Variants in SPRYD4 observed in about 807,000 individuals in gnomAD.
SPRYD4 encodes SPRY domain-containing protein 4.
Under a neutral mutation model 16.6 loss-of-function variants are expected in SPRYD4, and 12 were observed. The observed-to-expected ratio is 0.72, with a 90% CI of 0.46 to 1.17. The LOEUF (loss-of-function observed/expected upper bound fraction) is 1.17. Ranked by LOEUF, SPRYD4 falls within the 50% of genes most tolerant of loss-of-function variation. The pLI is 0.00. For missense variants in SPRYD4, 260 were observed against 260.2 expected (o/e 1.00, Z 0.00); for synonymous variants, 98 against 105.4 (o/e 0.93, Z 0.43).
Position 56,473,480 on chromosome 12 carries a change from C to T in SPRYD4, c.*3903C>T. ...CATCTCACCTGGCAGAAGCTGGTCC[C>T]CCTATGGCTGTTCCCCAGCTTGTCC... On this transcript the variant is annotated 3_prime_UTR_variant, in exon 2 of 2. Transcript: ENST00000338146. The T allele has an allele frequency of 6.2e-7, 1 of 1,613,846 alleles. No homozygotes were observed. Among genetic ancestry groups the T allele is most frequent in the Non-Finnish European group, 8.5e-7 (1 of 1,179,872 alleles).
chr12:56,477,883 AAGG>A lies in SPRYD4; in HGVS notation c.*8309_*8311del, dbSNP rs1405145077. On this transcript the variant is annotated 3_prime_UTR_variant, in exon 2 of 2. Transcript: ENST00000338146. ...AAAGGCTGGGAGATGGGGTGGGGAT[AAGG>A]AGAAGGGGACAGCTGTAAGTACGGT... 1 of 1,582,666 alleles carries A rather than the reference AAGG, an allele frequency of 6.3e-7. No individual in the cohort carries two copies. Among genetic ancestry groups the A allele is most frequent in the Non-Finnish European group, 8.6e-7 (1 of 1,161,950 alleles).
At position 56,472,522 on chromosome 12, in the gene SPRYD4, T is replaced by C. The variant is rs970953563; in HGVS notation, c.*2945T>C. 1.3e-5 allele frequency: 8 copies of C among 639,330 alleles called. No homozygotes were observed. The highest frequency in any genetic ancestry group is 3.7e-5 in the African/African-American group (2 of 54,382). 39.6% of individuals were successfully genotyped at this position (639,330 alleles called of 1,614,324 possible). On this transcript the variant is annotated 3_prime_UTR_variant, in exon 2 of 2. Coordinates refer to ENST00000338146, the MANE Select transcript of SPRYD4 (RefSeq NM_207344.4). ...ATTAATTATCATAGAGCAGACAGTT[T>C]ACTTTTTTTAAAAAAAATCTCCTTT...
In SPRYD4 at chr12:56,473,996, T is replaced by G; in HGVS notation, c.*4419T>G. 5.6e-6 allele frequency: 1 copy of G among 178,184 alleles called. No individual in the cohort carries two copies. The highest frequency in any genetic ancestry group is 1.7e-4 in the East Asian group (1 of 5,942). The allele number at this position is 178,184 out of a possible 1,614,324, so 11.0% of individuals were successfully genotyped here. On this transcript the variant is annotated 3_prime_UTR_variant, in exon 2 of 2. Transcript: ENST00000338146. ...GATAGGGTGGTCAGAAAAGTCTTTC[T>G]TTGGAAATGACATCTAAGCTGAGAC...
chr12:56,475,720 T>A lies in SPRYD4; in HGVS notation c.*6143T>A. 6.2e-7 allele frequency: 1 copy of A among 1,607,498 alleles called. No individual in the cohort carries two copies. The highest frequency in any genetic ancestry group is 8.5e-7 in the Non-Finnish European group (1 of 1,174,038). Reference sequence around the variant, plus strand: ...AAGGGACATTGAGGCTCCACTTGGTTAAGAAGCTCTATTAATACCTCACAG... The same window carrying A: ...AAGGGACATTGAGGCTCCACTTGGTAAAGAAGCTCTATTAATACCTCACAG... On this transcript the variant is annotated 3_prime_UTR_variant, in exon 2 of 2. Coordinates refer to ENST00000338146, the MANE Select transcript of SPRYD4 (RefSeq NM_207344.4).
chr12:56,479,252 A>G lies in SPRYD4; in HGVS notation c.*9675A>G. 1.3e-6 allele frequency: 2 copies of G among 1,571,756 alleles called. No individual in the cohort carries two copies. Among genetic ancestry groups the G allele is most frequent in the Non-Finnish European group, 1.7e-6 (2 of 1,162,132 alleles). On this transcript the variant is annotated 3_prime_UTR_variant, in exon 2 of 2. Transcript: ENST00000338146. ...TGGGACTCACTCTGGAGCCACGGAA[A>G]TTGGGAATAAAGAAGGTTGAGTGGT... is the stretch of plus-strand genomic sequence containing the variant.
In SPRYD4 at chr12:56,468,664, G is replaced by C. The variant is rs1869101029; in HGVS notation, c.73G>C (p.Glu25Gln). ...GAKRLGVASTEAQRGVSFKLE... is the reference protein window; with the variant it reads ...GAKRLGVASTQAQRGVSFKLE... ...CAAACGATTGGGAGTTGCCTCCACA[G>C]AGGCCCAGAGAGGTAGGATTATCTC... The change falls in exon 1 of 2, where the codon GAG becomes CAG. Residue 25 changes from glutamate (E) to glutamine (Q), a missense_variant. Physicochemically the swap from Glu to Gln is conservative, Grantham distance 29. Coordinates refer to ENST00000338146, the MANE Select transcript of SPRYD4 (RefSeq NM_207344.4). The C allele has an allele frequency of 4.3e-6, 7 of 1,613,844 alleles. No homozygotes were observed. Among genetic ancestry groups the C allele is most frequent in the Non-Finnish European group, 5.9e-6 (7 of 1,179,792 alleles).
Position 56,473,798 on chromosome 12 carries a change from G to T in SPRYD4, c.*4221G>T. On this transcript the variant is annotated 3_prime_UTR_variant, in exon 2 of 2. Coordinates refer to ENST00000338146, the MANE Select transcript of SPRYD4 (RefSeq NM_207344.4). The stretch of plus-strand genomic sequence containing the variant: ...TTGATTCAGCTAGAAAATATTTTTT[G>T]AAATACTTACAGCATTCTGTGCTAG... 1 of 612,320 alleles carries T rather than the reference G, an allele frequency of 1.6e-6. No individual in the cohort carries two copies. The highest frequency in any genetic ancestry group is 2.6e-6 in the Non-Finnish European group (1 of 379,490). 37.9% of individuals were successfully genotyped at this position (612,320 alleles called of 1,614,324 possible). A position where few individuals can be genotyped will look rare whatever the true frequency, so the allele number is the denominator to read the frequency against.
rs756801839 is a variant in SPRYD4 at position 56,472,762 on chromosome 12, A to G, written c.*3185A>G. ...GACCACAGTCTTGTTCTGGAACACA[A>G]ATCATACCCACATGACATTAATTGA... is the stretch of plus-strand genomic sequence containing the variant. On this transcript the variant is annotated 3_prime_UTR_variant, in exon 2 of 2. Coordinates refer to ENST00000338146, the MANE Select transcript of SPRYD4 (RefSeq NM_207344.4). 1.2e-6 allele frequency: 2 copies of G among 1,613,642 alleles called. No individual in the cohort carries two copies. The highest frequency in any genetic ancestry group is 4.5e-5 in the East Asian group (2 of 44,884).
In SPRYD4 at chr12:56,472,577, A is replaced by G. The variant is rs553584375; in HGVS notation, c.*3000A>G. On this transcript the variant is annotated 3_prime_UTR_variant, in exon 2 of 2. Transcript: ENST00000338146. ...AAAAAATTTCATTTAAATGCAATCT[A>G]TATCCATTCTAATTCCAAAGCTGAA... 22 of 930,898 alleles carry G rather than the reference A, an allele frequency of 2.4e-5. No homozygotes were observed. The highest frequency in any genetic ancestry group is 1.8e-4 in the African/African-American group (11 of 60,058). The allele number at this position is 930,898 out of a possible 1,614,324, so 57.7% of individuals were successfully genotyped here.
At position 56,476,153 on chromosome 12, in the gene SPRYD4, C is replaced by G; in HGVS notation, c.*6576C>G. The stretch of plus-strand genomic sequence containing the variant: ...AAACACCGCACTTCCATTGGCTCCT[C>G]TCTTTCTCTTTCTTTTTTTTGAGAC... On this transcript the variant is annotated 3_prime_UTR_variant, in exon 2 of 2. Transcript: ENST00000338146. 1.8e-6 allele frequency: 1 copy of G among 559,508 alleles called. No individual in the cohort carries two copies. The highest frequency in any genetic ancestry group is 2.1e-5 in the South Asian group (1 of 47,776). 34.7% of individuals were successfully genotyped at this position (559,508 alleles called of 1,614,324 possible).
Position 56,474,451 on chromosome 12 carries a change from G to A in SPRYD4, c.*4874G>A. On this transcript the variant is annotated 3_prime_UTR_variant, in exon 2 of 2. Transcript: ENST00000338146. ...CCTGGAAGTTAGTGAATGAGAGGCA[G>A]GAACAAGCTTCCACCTCTATCTTGA... The A allele has an allele frequency of 3.3e-6, 5 of 1,502,764 alleles. No homozygotes were observed. Among genetic ancestry groups the A allele is most frequent in the Non-Finnish European group, 3.6e-6 (4 of 1,106,614 alleles). 93.1% of individuals were successfully genotyped at this position (1,502,764 alleles called of 1,614,324 possible). A position where few individuals can be genotyped will look rare whatever the true frequency, so the allele number is the denominator to read the frequency against.
chr12:56,468,744 C>G lies in SPRYD4; in HGVS notation c.85+68C>G, dbSNP rs190452047. The G allele has an allele frequency of 7.4e-5, 113 of 1,533,342 alleles. No homozygotes were observed. In the African/African-American group the frequency reaches 1.5e-3, roughly 20 times the overall value. 95.0% of individuals were successfully genotyped at this position (1,533,342 alleles called of 1,614,324 possible). On this transcript the variant is annotated intron_variant, in intron 1 of 1. Transcript: ENST00000338146. ...CCGTCTATTATTCCCAGACCCCACT[C>G]CGAGAAGCAACTCCAACCCTCTCGG...
chr12:56,473,770 T>G lies in SPRYD4; in HGVS notation c.*4193T>G. 1.4e-6 allele frequency: 1 copy of G among 691,058 alleles called. No individual in the cohort carries two copies. Among genetic ancestry groups the G allele is most frequent in the East Asian group, 3.0e-5 (1 of 33,782 alleles). The allele number at this position is 691,058 out of a possible 1,614,324, so 42.8% of individuals were successfully genotyped here. On this transcript the variant is annotated 3_prime_UTR_variant, in exon 2 of 2. Transcript: ENST00000338146. The stretch of plus-strand genomic sequence containing the variant: ...CTCCTGTCCTTTCCTTCCCTTAAAT[T>G]CATTGATTCAGCTAGAAAATATTTT...
Position 56,478,551 on chromosome 12 carries a change from T to C in SPRYD4, c.*8974T>C, listed in dbSNP as rs1236259464. 3 of 410,418 alleles carry C rather than the reference T, an allele frequency of 7.3e-6. No homozygotes were observed. The highest frequency in any genetic ancestry group is 2.7e-5 in the South Asian group (1 of 37,110). 25.4% of individuals were successfully genotyped at this position (410,418 alleles called of 1,614,324 possible). A position where few individuals can be genotyped will look rare whatever the true frequency, so the allele number is the denominator to read the frequency against. The stretch of plus-strand genomic sequence containing the variant: ...TTGGTTCTTAGGCTCAGTTACCCTA[T>C]AAATCCCTTTGAAGGCTCTATTCGA... On this transcript the variant is annotated 3_prime_UTR_variant, in exon 2 of 2. Transcript: ENST00000338146.
At position 56,474,821 on chromosome 12, in the gene SPRYD4, T is replaced by C. The variant is rs1334775106; in HGVS notation, c.*5244T>C. 6.2e-7 allele frequency: 1 copy of C among 1,613,718 alleles called. No individual in the cohort carries two copies. The highest frequency in any genetic ancestry group is 2.2e-5 in the East Asian group (1 of 44,838). Reference sequence around the variant, plus strand: ...GGCAAGGACAGTCTGTCCTGTTCCCTCGGCCCTGAGCAGTGTTTTCTTACC... The same window carrying C: ...GGCAAGGACAGTCTGTCCTGTTCCCCCGGCCCTGAGCAGTGTTTTCTTACC... On this transcript the variant is annotated 3_prime_UTR_variant, in exon 2 of 2. Coordinates refer to ENST00000338146, the MANE Select transcript of SPRYD4 (RefSeq NM_207344.4).
chr12:56,468,919 G>T, intron 1 of SPRYD4, 120 bp from the exon 2 acceptor site: 1 of 1,321,102 alleles, frequency 7.6e-7, no homozygotes, highest in Non-Finnish European at 1.0e-6. Context: ...TTGCCCGCTT[G>T]GCATTCTGAC....
Position 56,468,601 on chromosome 12 carries a change from C to G in SPRYD4, c.10C>G (p.Leu4Val). The G allele has an allele frequency of 6.2e-7, 1 of 1,613,490 alleles. No homozygotes were observed. The highest frequency in any genetic ancestry group is 8.5e-7 in the Non-Finnish European group (1 of 1,179,970). ...TCATCCAAGGCGCAAGATGGCGCTG[C>G]TTTTTGCACGTTCTTTGCGCTTGTG... MAL[L>V]FARSLRLCRW... is the part of the protein sequence containing the mutation. The change falls in exon 1 of 2, where the codon CTT becomes GTT. Residue 4 changes from leucine (L) to valine (V), a missense_variant. Leu to Val is a conservative substitution (Grantham distance 32). Coordinates refer to ENST00000338146, the MANE Select transcript of SPRYD4 (RefSeq NM_207344.4).
Position 56,479,316 on chromosome 12 carries a change from A to G in SPRYD4, c.*9739A>G. ...ATCAACAGCTCTGTTACCTTTGGCAAATCAGTTTACCTTTCTAGGTCTTAG... is the reference window on the plus strand; with the variant it reads ...ATCAACAGCTCTGTTACCTTTGGCAGATCAGTTTACCTTTCTAGGTCTTAG... On this transcript the variant is annotated 3_prime_UTR_variant, in exon 2 of 2. Transcript: ENST00000338146. 2 of 1,126,916 alleles carry G rather than the reference A, an allele frequency of 1.8e-6. No homozygotes were observed. Among genetic ancestry groups the G allele is most frequent in the Non-Finnish European group, 2.4e-6 (2 of 823,126 alleles). The allele number at this position is 1,126,916 out of a possible 1,614,324, so 69.8% of individuals were successfully genotyped here.
Position 56,472,883 on chromosome 12 carries a change from T to TTA in SPRYD4, c.*3307_*3308insAT. The TTA allele has an allele frequency of 3.0e-6, 2 of 668,054 alleles. No homozygotes were observed. Among genetic ancestry groups the TTA allele is most frequent in the Admixed American group, 3.0e-5 (1 of 33,156 alleles). The allele number at this position is 668,054 out of a possible 1,614,324, so 41.4% of individuals were successfully genotyped here. A position where few individuals can be genotyped will look rare whatever the true frequency, so the allele number is the denominator to read the frequency against. On this transcript the variant is annotated 3_prime_UTR_variant, in exon 2 of 2. Coordinates refer to ENST00000338146, the MANE Select transcript of SPRYD4 (RefSeq NM_207344.4). Reference sequence around the variant, plus strand: ...TTATGGAATGTGCTACTCTGAAATATTCTTTTTTTTTTTTTTTTTTTTGAG... The same window carrying TTA: ...TTATGGAATGTGCTACTCTGAAATATTATCTTTTTTTTTTTTTTTTTTTTGAG...
Sources: allele counts gnomAD v4.1 joint callset, GRCh38; gene constraint gnomAD v4.1.1; transcripts MANE v1.5; gene names NCBI Gene and HGNC (gene_info 2026-07-23, HGNC 2026-07-21).